The following CADM2 variants were observed in gnomAD, a reference collection of about 807,000 sequenced individuals.
CADM2 encodes the protein immunoglobulin superfamily member 4D.
Under a neutral mutation model 49.8 loss-of-function variants are expected in CADM2, and 12 were observed. The observed-to-expected ratio is 0.24, with a 90% CI of 0.15 to 0.39. CADM2 has a LOEUF of 0.39. CADM2 is among the 10% of genes least tolerant of loss of function. The pLI, the probability that CADM2 is intolerant of heterozygous loss-of-function variation, is 1.00. For missense variants in CADM2, 378 were observed against 492.3 expected (o/e 0.77, Z 2.20); for synonymous variants, 214 against 175.4 (o/e 1.22, Z -1.74).
At chr3:85,090,218 T>A (rs2037542808) in intron 1 of CADM2, among the ~76,000 whole-genome samples, 1 of 152,286 alleles carries the variant, frequency 6.6e-6, no homozygotes, top group African/African-American at 2.4e-5. Context: ...TATATTGATA[T>A]TAAAAATAGT....
chr3:85,530,321 CGTTTTTT>C (rs1197995600), intron 1 of CADM2, among the ~76,000 whole-genome samples: 24,410 of 118,608 alleles, frequency 0.21, 3,220 homozygotes, highest in East Asian at 0.29. Context: ...TTCTTTTCTC[CGTTTTTT>C]TTTTTTTTTT....
At chr3:85,161,327 C>T (rs1273022437) in intron 1 of CADM2, among the ~76,000 whole-genome samples, 1 of 152,010 alleles carries the variant, frequency 6.6e-6, no homozygotes, top group Non-Finnish European at 1.5e-5. Context: ...GGATTGAGTG[C>T]TTTTGTAGAA....
chr3:85,694,721 A>C (rs1443538178), intron 1 of CADM2, among the ~76,000 whole-genome samples: 1 of 152,150 alleles, frequency 6.6e-6, no homozygotes, highest in African/African-American at 2.4e-5. Context: ...GGGATTTTAA[A>C]GATTAGGGGC....
chr3:85,831,263 T>C (rs143348405), intron 3 of CADM2, among the ~76,000 whole-genome samples: 1 of 152,138 alleles, frequency 6.6e-6, no homozygotes, highest in East Asian at 1.9e-4. Context: ...TTCATGTCTT[T>C]AGTATTGTGA....
At chr3:85,388,579 T>C (rs898634052) in intron 1 of CADM2, among the ~76,000 whole-genome samples, 1 of 152,182 alleles carries the variant, frequency 6.6e-6, no homozygotes, top group African/African-American at 2.4e-5. Flanking sequence ...GCAATACTCC[T>C]CATTTTAATT....
rs1739566339 is a variant in CADM2, at chr3:86,068,535, G to A, written c.*1752G>A. On this transcript the variant is annotated 3_prime_UTR_variant, in exon 10 of 10. Transcript: ENST00000383699. The stretch of plus-strand genomic sequence containing the variant: ...ATTTTTGGGTAATAAGAATGGTTGA[G>A]TGCAACATCATGTATTAATATCAAA... 6.6e-6 allele frequency: 1 copy of A among 151,910 alleles called. No homozygotes were observed. The highest frequency in any genetic ancestry group is 2.4e-5 in the African/African-American group (1 of 41,434). The allele number at this position is 151,910 out of a possible 1,614,324, so 9.4% of individuals were successfully genotyped here. A position where few individuals can be genotyped will look rare whatever the true frequency, so the allele number is the denominator to read the frequency against.
At chr3:85,145,156 G>A (rs1020842343) in intron 1 of CADM2, among the ~76,000 whole-genome samples, 11 of 152,106 alleles carry the variant, frequency 7.2e-5, no homozygotes, top group African/African-American at 2.7e-4. Flanking sequence ...TGTTTTTAAA[G>A]GTTTAATTCA....
chr3:85,929,553 A>G (rs1449128341), intron 6 of CADM2, among the ~76,000 whole-genome samples: 1 of 152,014 alleles, frequency 6.6e-6, no homozygotes, highest in African/African-American at 2.4e-5. Context: ...ATTTAAGATT[A>G]TTTTAGAAAA....
intron 1 of CADM2, among the ~76,000 whole-genome samples, chr3:85,164,966 ATG>A (rs142280188): frequency 2.0e-4 from 30 of 149,992 alleles, no homozygotes; most frequent in Middle Eastern, 3.5e-3. Flanking sequence ...GTGTGTACAT[ATG>A]TGTGTGTGTG....
At chr3:85,058,699 C>T (rs552774254) in intron 1 of CADM2, among the ~76,000 whole-genome samples, 1 of 152,192 alleles carries the variant, frequency 6.6e-6, no homozygotes, top group Non-Finnish European at 1.5e-5. Context: ...CCCACCTCAG[C>T]CTCCCAAAGT....
chr3:85,509,036 C>T (rs2040489384), intron 1 of CADM2, among the ~76,000 whole-genome samples: 1 of 152,004 alleles, frequency 6.6e-6, no homozygotes, highest in Non-Finnish European at 1.5e-5. Context: ...GAATGTGTTG[C>T]TTTTGAAAGA....
At chr3:85,860,114 G>T (rs368110891) in intron 3 of CADM2, among the ~76,000 whole-genome samples, 11 of 152,102 alleles carry the variant, frequency 7.2e-5, no homozygotes, top group African/African-American at 2.2e-4. Context: ...ATTTTGAAGT[G>T]TAGAAACATG....
intron 1 of CADM2, among the ~76,000 whole-genome samples, chr3:85,020,361 T>C (rs1014550030): frequency 6.6e-6 from 1 of 152,190 alleles, no homozygotes; most frequent in Non-Finnish European, 1.5e-5. Context: ...CTTTTCCACA[T>C]TTTTTGATCA....
intron 8 of CADM2, among the ~76,000 whole-genome samples, chr3:86,008,044 A>G (rs776706644): frequency 6.6e-6 from 1 of 152,226 alleles, no homozygotes; most frequent in Non-Finnish European, 1.5e-5. Context: ...TGGGAGTTCT[A>G]GATTCATGAT....
intron 2 of CADM2, among the ~76,000 whole-genome samples, chr3:85,769,161 A>G: frequency 1.3e-5 from 1 of 76,578 alleles, no homozygotes; most frequent in South Asian, 4.8e-4. Context: ...ATATACATAT[A>G]TAGTATATAT....
At chr3:85,313,605 C>T (rs927646556) in intron 1 of CADM2, among the ~76,000 whole-genome samples, 3 of 152,142 alleles carry the variant, frequency 2.0e-5, no homozygotes, top group African/African-American at 7.2e-5. Context: ...TCAAGGAATA[C>T]AGTGGCAGTA....
chr3:85,443,548 G>T (rs1375943824), intron 1 of CADM2, among the ~76,000 whole-genome samples: 1 of 151,902 alleles, frequency 6.6e-6, no homozygotes, highest in African/African-American at 2.4e-5. Flanking sequence ...TTTTGCTTTT[G>T]TCAAGATCAC....
intron 1 of CADM2, among the ~76,000 whole-genome samples, chr3:85,620,852 C>T (rs1178346274): frequency 6.6e-6 from 1 of 152,106 alleles, no homozygotes; most frequent in Non-Finnish European, 1.5e-5. Flanking sequence ...GGAATAGTCT[C>T]TAACTTTAAC....
chr3:85,870,338 A>G (rs1029186170), intron 3 of CADM2, among the ~76,000 whole-genome samples: 1 of 151,770 alleles, frequency 6.6e-6, no homozygotes. Flanking sequence ...TGTTGTACTA[A>G]TTATTTTGCC....
Sources: allele counts gnomAD v4.1 joint callset (sites outside exome capture counted in the v4.1 genomes callset), GRCh38; gene constraint gnomAD v4.1.1; transcripts MANE v1.5; gene names NCBI Gene and HGNC (gene_info 2026-07-23, HGNC 2026-07-21).